RASAL2: variants seen among roughly 807,000 people sequenced by gnomAD.
RASAL2 encodes the protein ras GTPase-activating protein nGAP.
A neutral mutation model predicts 128.9 loss-of-function variants in RASAL2; 58 were observed. That is an observed-to-expected ratio of 0.45 (90% CI 0.36 to 0.56). The LOEUF (loss-of-function observed/expected upper bound fraction) is 0.56. Ranked by LOEUF, RASAL2 falls within the 20% of genes least tolerant of loss-of-function variation. The pLI is 0.00. For synonymous variants in RASAL2, 561 were observed against 580.8 expected (o/e 0.97, Z 0.49); for missense variants, 1,360 against 1,601.6 (o/e 0.85, Z 2.57).
At chr1:178,211,303 C>T (rs1663247791) in intron 1 of RASAL2, among the ~76,000 whole-genome samples, 1 of 152,154 alleles carries the variant, frequency 6.6e-6, no homozygotes. Context: ...CATTTCACTT[C>T]TGATTGTATC....
chr1:178,437,274 C>T (rs1295554245), intron 5 of RASAL2, among the ~76,000 whole-genome samples: 2 of 152,074 alleles, frequency 1.3e-5, no homozygotes, highest in African/African-American at 2.4e-5. Flanking sequence ...TGAAATAACA[C>T]CTGGAAAACA....
chr1:178,428,192 T>A (rs529014424), intron 5 of RASAL2, among the ~76,000 whole-genome samples: 1 of 152,242 alleles, frequency 6.6e-6, no homozygotes, highest in African/African-American at 2.4e-5. Flanking sequence ...GAAAGACGTT[T>A]GGGTTGTTTC....
chr1:178,158,700 G>A (rs1439224215), intron 1 of RASAL2, among the ~76,000 whole-genome samples: 1 of 152,136 alleles, frequency 6.6e-6, no homozygotes, highest in African/African-American at 2.4e-5. Context: ...AATATTAGAA[G>A]CACCTATTAT....
chr1:178,391,516 T>G (rs1282101878), intron 4 of RASAL2, among the ~76,000 whole-genome samples: 3 of 152,220 alleles, frequency 2.0e-5, no homozygotes, highest in African/African-American at 7.2e-5. Context: ...AGAAATTCAT[T>G]GTATTTTCTT....
chr1:178,276,779 T>C (rs1347038314), intron 1 of RASAL2, among the ~76,000 whole-genome samples: 1 of 152,212 alleles, frequency 6.6e-6, no homozygotes, highest in Admixed American at 6.5e-5. Context: ...GCCATGTGTA[T>C]GCCATATTTT....
At chr1:178,294,609 ATCTG>A (rs1181343831) in intron 2 of RASAL2, among the ~76,000 whole-genome samples, 6 of 152,184 alleles carry the variant, frequency 3.9e-5, no homozygotes, top group Non-Finnish European at 7.4e-5. Flanking sequence ...CTATCTGTCT[ATCTG>A]TCTGTCCATC....
At chr1:178,325,924 T>G (rs146269246) in intron 3 of RASAL2, among the ~76,000 whole-genome samples, 60 of 151,992 alleles carry the variant, frequency 3.9e-4, no homozygotes, top group African/African-American at 1.3e-3. Flanking sequence ...GACCCCATCT[T>G]TACAAAAAAT....
intron 13 of RASAL2, 81 bp from the exon 14 acceptor site, chr1:178,457,602 A>T: frequency 7.1e-7 from 1 of 1,411,086 alleles, no homozygotes. Context: ...CCTTCGGAGG[A>T]GTTCATATGC....
At chr1:178,345,657 G>C (rs192941783) in intron 3 of RASAL2, among the ~76,000 whole-genome samples, 14 of 152,176 alleles carry the variant, frequency 9.2e-5, no homozygotes. Context: ...AAGATGTCTG[G>C]GTCCCTACTT....
chr1:178,238,405 G>A (rs1664349826), intron 1 of RASAL2, among the ~76,000 whole-genome samples: 1 of 152,116 alleles, frequency 6.6e-6, no homozygotes, highest in African/African-American at 2.4e-5. Context: ...GTGAACATAT[G>A]TTTTCATTTC....
intron 5 of RASAL2, among the ~76,000 whole-genome samples, chr1:178,424,829 A>G (rs1285793750): frequency 6.6e-6 from 1 of 152,194 alleles, no homozygotes; most frequent in East Asian, 1.9e-4. Context: ...GCAGAAAAAC[A>G]TTTTTAAAAT....
At chr1:178,278,277 G>A (rs1423745949) in intron 1 of RASAL2, among the ~76,000 whole-genome samples, 4 of 152,160 alleles carry the variant, frequency 2.6e-5, no homozygotes, top group African/African-American at 4.8e-5. Context: ...ACATGTGTTA[G>A]GGGATGGAAT....
intron 1 of RASAL2, among the ~76,000 whole-genome samples, chr1:178,191,938 C>T (rs1662507816): frequency 6.6e-6 from 1 of 152,174 alleles, no homozygotes; most frequent in Non-Finnish European, 1.5e-5. Flanking sequence ...GACAGTTTCT[C>T]AGTCTCAAAA....
At chr1:178,421,652 C>CT (rs966138227) in intron 5 of RASAL2, among the ~76,000 whole-genome samples, 24 of 151,028 alleles carry the variant, frequency 1.6e-4, no homozygotes, top group Non-Finnish European at 2.7e-4. Flanking sequence ...TTATGTTTTA[C>CT]TTTTTTTTTC....
chr1:178,434,144 G>T (rs919942780), intron 5 of RASAL2, among the ~76,000 whole-genome samples: 1 of 152,072 alleles, frequency 6.6e-6, no homozygotes, highest in Non-Finnish European at 1.5e-5. Context: ...CAATGTAGTT[G>T]TGTTTATATT....
chr1:178,452,432 T>C lies in RASAL2; in HGVS notation c.1789T>C (p.Leu597=), dbSNP rs768829308. The change falls in exon 11 of 18, where the codon TTG becomes CTG. Residue 597 remains leucine, a synonymous_variant. Coordinates refer to ENST00000367649, the MANE Select transcript of RASAL2 (RefSeq NM_170692.4). The stretch of plus-strand genomic sequence containing the variant: ...CTTCCCTAGTGTTTTCCCTCGTGAG[T>C]TGAAAGAAGTGTTTGCATCATGGAA... ...INSYCVFPRE[L]KEVFASWKQQ... is the part of the protein sequence containing the mutation. 2 of 1,613,942 alleles carry C rather than the reference T, an allele frequency of 1.2e-6. No individual in the cohort carries two copies. The highest frequency in any genetic ancestry group is 1.7e-6 in the Non-Finnish European group (2 of 1,179,880).
At chr1:178,226,656 T>G (rs1346513756) in intron 1 of RASAL2, among the ~76,000 whole-genome samples, 1 of 152,212 alleles carries the variant, frequency 6.6e-6, no homozygotes, top group African/African-American at 2.4e-5. Flanking sequence ...TACAGAAAAC[T>G]GTATCCAGGG....
intron 1 of RASAL2, among the ~76,000 whole-genome samples, chr1:178,191,350 G>T (rs951171716): frequency 6.8e-6 from 1 of 146,464 alleles, no homozygotes; most frequent in Non-Finnish European, 1.5e-5. Flanking sequence ...ATAGATAAAT[G>T]AAAAAAAAAC....
At chr1:178,257,054 ATACT>A (rs1665387948) in intron 1 of RASAL2, among the ~76,000 whole-genome samples, 1 of 129,006 alleles carries the variant, frequency 7.8e-6, no homozygotes, top group Non-Finnish European at 1.8e-5. Context: ...AAAGAATAAG[ATACT>A]TAGGAATTTA....
Sources: allele counts gnomAD v4.1 joint callset (sites outside exome capture counted in the v4.1 genomes callset), GRCh38; gene constraint gnomAD v4.1.1; transcripts MANE v1.5; gene names NCBI Gene and HGNC (gene_info 2026-07-23, HGNC 2026-07-21).